Variants in CSMD1 observed in about 807,000 individuals in gnomAD.
The protein encoded by CSMD1 is CUB and sushi domain-containing protein 1.
In CSMD1, 213 loss-of-function variants were observed where a neutral mutation model predicts 417.5. That is an observed-to-expected ratio of 0.51 (90% CI 0.46 to 0.57). CSMD1 has a LOEUF of 0.57. CSMD1 is among the 20% of genes least tolerant of loss of function. CSMD1 has a pLI of 0.00. For synonymous variants in CSMD1, 2,862 were observed against 1,736.8 expected (o/e 1.65, Z -16.11); for missense variants, 6,923 against 4,529.7 (o/e 1.53, Z -15.17).
rs759904610 is a variant in CSMD1 at position 3,468,702 on chromosome 8, C to G, written c.1561+10G>C. ...AACTTCCAACCCTGTGAAGTGTAAT[C>G]TCATCATACCTTGGTAAACAGCTTT... On this transcript the variant is annotated intron_variant, in intron 12 of 69. Transcript: ENST00000635120. The G allele has an allele frequency of 1.9e-6, 3 of 1,559,880 alleles. No individual in the cohort carries two copies. Among genetic ancestry groups the G allele is most frequent in the Admixed American group, 3.5e-5 (2 of 56,672 alleles).
intron 2 of CSMD1, among the ~76,000 whole-genome samples, chr8:4,590,295 G>C (rs561571310): frequency 6.6e-6 from 1 of 152,150 alleles, no homozygotes; most frequent in Non-Finnish European, 1.5e-5. Flanking sequence ...GTTCTGGGAA[G>C]CAGACATGGA....
At chr8:3,765,863 G>A (rs528402293) in intron 5 of CSMD1, among the ~76,000 whole-genome samples, 2 of 152,316 alleles carry the variant, frequency 1.3e-5, no homozygotes, top group South Asian at 2.1e-4. Flanking sequence ...GAAAGAGGAG[G>A]ATGACAGCAC....
chr8:3,388,020 T>A (rs1811118397), intron 17 of CSMD1, among the ~76,000 whole-genome samples: 1 of 152,242 alleles, frequency 6.6e-6, no homozygotes, highest in Non-Finnish European at 1.5e-5. Context: ...TTTTCTATTT[T>A]TCACCACCAC....
intron 1 of CSMD1, among the ~76,000 whole-genome samples, chr8:4,797,491 G>T (rs950728279): frequency 1.3e-5 from 2 of 152,118 alleles, no homozygotes; most frequent in East Asian, 3.9e-4. Context: ...AGTCATTGTG[G>T]TCTTTGCCAG....
chr8:3,394,023 TATATATATA>T (rs1563342350), intron 17 of CSMD1, among the ~76,000 whole-genome samples: 3,054 of 96,068 alleles, frequency 0.032, 199 homozygotes, highest in Non-Finnish European at 0.044. Context: ...TATATATATA[TATATATATA>T]TATATATATA....
At chr8:3,493,947 T>C (rs1380560835) in intron 10 of CSMD1, among the ~76,000 whole-genome samples, 1 of 152,194 alleles carries the variant, frequency 6.6e-6, no homozygotes, top group Admixed American at 6.5e-5. Flanking sequence ...ACTCCCAACT[T>C]ATGTATTTTC....
At chr8:3,910,006 A>T (rs1294088951) in intron 5 of CSMD1, among the ~76,000 whole-genome samples, 1 of 152,186 alleles carries the variant, frequency 6.6e-6, no homozygotes, top group Admixed American at 6.5e-5. Context: ...CCATTTATTT[A>T]TAAATAAAGG....
intron 10 of CSMD1, among the ~76,000 whole-genome samples, chr8:3,537,484 C>T (rs1233270398): frequency 6.6e-6 from 1 of 152,034 alleles, no homozygotes; most frequent in Non-Finnish European, 1.5e-5. Flanking sequence ...AAGTGATTTC[C>T]TCAGGAATTT....
chr8:4,909,785 G>C (rs1363487350), intron 1 of CSMD1, among the ~76,000 whole-genome samples: 5 of 152,076 alleles, frequency 3.3e-5, no homozygotes, highest in African/African-American at 9.7e-5. Context: ...CATTTGTTTT[G>C]GTTGTGACTC....
intron 2 of CSMD1, among the ~76,000 whole-genome samples, chr8:4,569,214 T>C (rs1030565595): frequency 1.3e-5 from 2 of 152,256 alleles, no homozygotes; most frequent in Non-Finnish European, 2.9e-5. Flanking sequence ...ATGAAGTCTT[T>C]GCCCATGCCT....
chr8:4,647,578 C>T (rs752804154), intron 1 of CSMD1, among the ~76,000 whole-genome samples: 18 of 152,150 alleles, frequency 1.2e-4, no homozygotes, highest in African/African-American at 4.1e-4. Flanking sequence ...CCCCCACCCC[C>T]CAATATGTCC....
chr8:4,095,325 C>G (rs749645912), intron 3 of CSMD1, among the ~76,000 whole-genome samples: 15 of 152,176 alleles, frequency 9.9e-5, no homozygotes, highest in Non-Finnish European at 1.6e-4. Flanking sequence ...ATAACATTTG[C>G]CACATTAGCA....
intron 3 of CSMD1, among the ~76,000 whole-genome samples, chr8:4,238,441 T>G (rs1421803255): frequency 6.6e-6 from 1 of 152,084 alleles, no homozygotes; most frequent in African/African-American, 2.4e-5. Flanking sequence ...ATACTGTGAT[T>G]CCCTCATGGA....
At chr8:4,146,483 A>T (rs1804133835) in intron 3 of CSMD1, among the ~76,000 whole-genome samples, 1 of 148,230 alleles carries the variant, frequency 6.7e-6, no homozygotes, top group Non-Finnish European at 1.5e-5. Flanking sequence ...AAGGCTGTTT[A>T]CCCAGTTCCT....
chr8:4,179,143 A>T (rs1798216565), intron 3 of CSMD1, among the ~76,000 whole-genome samples: 1 of 152,218 alleles, frequency 6.6e-6, no homozygotes. Flanking sequence ...CAAAGGAAGA[A>T]AGCTGGAGGC....
At chr8:3,810,655 T>A (rs893215438) in intron 5 of CSMD1, among the ~76,000 whole-genome samples, 2 of 152,170 alleles carry the variant, frequency 1.3e-5, no homozygotes, top group Non-Finnish European at 2.9e-5. Flanking sequence ...TTATAAAACT[T>A]TGAGAAAGTA....
At chr8:4,079,409 AC>A (rs1800006175) in intron 3 of CSMD1, among the ~76,000 whole-genome samples, 1 of 152,142 alleles carries the variant, frequency 6.6e-6, no homozygotes, top group Non-Finnish European at 1.5e-5. Context: ...GTCTATTTTA[AC>A]TCTGGCTAAA....
At chr8:3,771,675 A>G in intron 5 of CSMD1, among the ~76,000 whole-genome samples, 1 of 152,208 alleles carries the variant, frequency 6.6e-6, no homozygotes, top group Non-Finnish European at 1.5e-5. Context: ...CAGGAGGAAG[A>G]GAACGGAGAG....
chr8:3,822,101 C>T (rs959557387), intron 5 of CSMD1, among the ~76,000 whole-genome samples: 1 of 151,856 alleles, frequency 6.6e-6, no homozygotes, highest in East Asian at 1.9e-4. Context: ...TGTTTTGTCT[C>T]CGATTTTTCT....
Sources: gnomAD v4.1 joint callset for allele counts (sites outside exome capture counted in the v4.1 genomes callset) on GRCh38, gnomAD v4.1.1 for gene constraint, MANE v1.5 for transcripts, NCBI Gene and HGNC (gene_info 2026-07-23, HGNC 2026-07-21) for gene names.